BMP3: variants seen among roughly 807,000 people sequenced by gnomAD.
The protein encoded by BMP3 is bone morphogenetic protein 3 (osteogenic).
BMP3 carries 23 observed loss-of-function variants against 38.1 expected under a neutral mutation model. That is an observed-to-expected ratio of 0.60 (90% CI 0.43 to 0.86). The LOEUF (loss-of-function observed/expected upper bound fraction) is 0.86. Ranked by LOEUF, BMP3 falls within the 40% of genes least tolerant of loss-of-function variation. The pLI, the probability that BMP3 is intolerant of heterozygous loss-of-function variation, is 0.00. For missense variants in BMP3, 628 were observed against 579.6 expected, an observed-to-expected ratio of 1.08 and a Z score of -0.86; for synonymous variants, 258 against 225.7, an observed-to-expected ratio of 1.14 and a Z score of -1.28.
chr4:81,033,192 A>T (rs1739823999), intron 1 of BMP3, among the ~76,000 whole-genome samples: 2 of 152,234 alleles, frequency 1.3e-5, no homozygotes, highest in Non-Finnish European at 2.9e-5. Context: ...TAAGATAAAA[A>T]ACAATATGTT....
At chr4:81,046,684 T>C (rs764582246) in intron 2 of BMP3, 36 bp downstream of exon 2, 2 of 1,553,282 alleles carry the variant, frequency 1.3e-6, no homozygotes, top group East Asian at 4.5e-5. Flanking sequence ...TTACTTCCTA[T>C]TTCCATTAGT....
intron 1 of BMP3, among the ~76,000 whole-genome samples, chr4:81,044,360 AC>A (rs1740172437): frequency 1.3e-5 from 2 of 152,152 alleles, no homozygotes; most frequent in Admixed American, 6.6e-5. Flanking sequence ...ATCCTTGCTA[AC>A]CTTTTTTTGT....
At chr4:81,031,631 CG>C (rs758372221) in intron 1 of BMP3, 31 bp downstream of exon 1, 8 of 1,522,330 alleles carry the variant, frequency 5.3e-6, no homozygotes, top group Non-Finnish European at 7.0e-6. Flanking sequence ...TCCCTTCCCG[CG>C]GTCCCGCCCC....
chr4:81,056,312 C>G lies in BMP3; in HGVS notation c.*2776C>G, dbSNP rs1170905892. 6.6e-6 allele frequency: 1 copy of G among 151,684 alleles called. No individual in the cohort carries two copies. The highest frequency in any genetic ancestry group is 1.5e-5 in the Non-Finnish European group (1 of 67,974). 9.4% of individuals were successfully genotyped at this position (151,684 alleles called of 1,614,324 possible). On this transcript the variant is annotated 3_prime_UTR_variant, in exon 3 of 3. Transcript: ENST00000282701. ...TGCAGTGTGCACACACACACACACA[C>G]AGTCAGTTACTGAAAAAAATAATTC...
Position 81,046,428 on chromosome 4 carries a change from A to G in BMP3, c.1007A>G (p.Lys336Arg), listed in dbSNP as rs1055116046. 10 of 1,613,628 alleles carry G rather than the reference A, an allele frequency of 6.2e-6. No individual in the cohort carries two copies. Among genetic ancestry groups the G allele is most frequent in the Admixed American group, 1.7e-5 (1 of 59,866 alleles). ...AQAPEKSKNKKKQRKGPHRKS... is the reference protein window; with the variant it reads ...AQAPEKSKNKRKQRKGPHRKS... ...GCCCCTGAAAAGAGTAAGAATAAAA[A>G]GAAACAGAGAAAGGGGCCTCATCGG... Residue 336 changes from lysine (K) to arginine (R), a missense_variant, in exon 2 of 3, where the codon AAG becomes AGG. Lys to Arg is a conservative substitution (Grantham distance 26). Transcript: ENST00000282701.
intron 2 of BMP3, among the ~76,000 whole-genome samples, chr4:81,051,532 A>G (rs949400305): frequency 1.3e-5 from 2 of 152,196 alleles, no homozygotes; most frequent in Non-Finnish European, 2.9e-5. Context: ...TCGCTTTATG[A>G]CAAGCTATTT....
intron 1 of BMP3, among the ~76,000 whole-genome samples, chr4:81,032,217 A>AAAAC (rs1185689120): frequency 1.3e-4 from 18 of 143,126 alleles, no homozygotes; most frequent in Non-Finnish European, 2.4e-4. Flanking sequence ...AAAAAAAAAA[A>AAAAC]AAACAGGTGC....
chr4:81,031,402 C>T lies in BMP3; in HGVS notation c.118C>T (p.Arg40Cys), dbSNP rs138962672. The T allele has an allele frequency of 1.2e-5, 19 of 1,613,604 alleles. No homozygotes were observed. The African/African-American group carries it at 1.5e-4, about 12-fold the overall frequency. ...GCTCCGCAAAGCTGTGCCAGGTGAC[C>T]GCACGGCAGGTGGTGGCCCGGACTC... ...PELRKAVPGD[R>C]TAGGGPDSEL... The change falls in exon 1 of 3, where the codon CGC (arginine) becomes TGC (cysteine). Residue 40 changes from arginine (R) to cysteine (C), a missense_variant. Arg to Cys is a radical substitution (Grantham distance 180). Transcript: ENST00000282701.
At position 81,046,288 on chromosome 4, in the gene BMP3, C is replaced by G; in HGVS notation, c.867C>G (p.Arg289=). ...AALSIERRKK[R]STGVLLPLQN... ...TTTCCATTGAGCGGAGGAAGAAGCG[C>G]TCTACTGGGGTCTTGCTGCCTCTGC... The change falls in exon 2 of 3, where the codon CGC becomes CGG. Residue 289 remains arginine (R), a synonymous_variant. Transcript: ENST00000282701. 6.2e-7 allele frequency: 1 copy of G among 1,614,062 alleles called. No individual in the cohort carries two copies. The highest frequency in any genetic ancestry group is 8.5e-7 in the Non-Finnish European group (1 of 1,180,002).
At chr4:81,040,792 T>C (rs1740052299) in intron 1 of BMP3, among the ~76,000 whole-genome samples, 1 of 152,202 alleles carries the variant, frequency 6.6e-6, no homozygotes, top group African/African-American at 2.4e-5. Flanking sequence ...ATACAATTAA[T>C]ATTTTCTAGT....
chr4:81,045,637 G>A, intron 1 of BMP3, 101 bp from the exon 2 acceptor site: 1 of 1,034,892 alleles, frequency 9.7e-7, no homozygotes, highest in Non-Finnish European at 1.3e-6. Context: ...CATGGATTTA[G>A]TTCTTATATA....
intron 2 of BMP3, among the ~76,000 whole-genome samples, chr4:81,048,736 T>C (rs1740327212): frequency 6.6e-6 from 1 of 152,204 alleles, no homozygotes; most frequent in Non-Finnish European, 1.5e-5. Flanking sequence ...GAGAGAAGTA[T>C]GTTAGTGCAG....
intron 2 of BMP3, among the ~76,000 whole-genome samples, chr4:81,049,355 C>T (rs567027122): frequency 2.6e-4 from 40 of 152,236 alleles, no homozygotes; most frequent in Non-Finnish European, 4.4e-4. Context: ...TGCATTCAAC[C>T]GCCCGTGAGC....
chr4:81,046,282 G>T lies in BMP3; in HGVS notation c.861G>T (p.Lys287Asn). The T allele has an allele frequency of 6.2e-7, 1 of 1,614,122 alleles. No individual in the cohort carries two copies. Among genetic ancestry groups the T allele is most frequent in the South Asian group, 1.1e-5 (1 of 91,078 alleles). ...CTGCCCTTTCCATTGAGCGGAGGAA[G>T]AAGCGCTCTACTGGGGTCTTGCTGC... ...IRAALSIERRKKRSTGVLLPL... is the reference protein window; with the variant it reads ...IRAALSIERRNKRSTGVLLPL... Residue 287 changes from lysine to asparagine, a missense_variant, in exon 2 of 3, where the codon AAG (lysine) becomes AAT (asparagine). Lys to Asn is a moderately conservative substitution (Grantham distance 94). Coordinates refer to ENST00000282701, the MANE Select transcript of BMP3 (RefSeq NM_001201.5).
intron 1 of BMP3, among the ~76,000 whole-genome samples, chr4:81,040,181 T>C (rs1740031907): frequency 1.3e-5 from 2 of 152,172 alleles, no homozygotes; most frequent in African/African-American, 4.8e-5. Context: ...AAACCCTAAC[T>C]AGGCTGCAAT....
chr4:81,056,023 T>C lies in BMP3; in HGVS notation c.*2487T>C, dbSNP rs1578302938. The C allele has an allele frequency of 1.3e-5, 2 of 152,288 alleles. No individual in the cohort carries two copies. The highest frequency in any genetic ancestry group is 3.9e-4 in the East Asian group (2 of 5,188). The allele number at this position is 152,288 out of a possible 1,614,324, so 9.4% of individuals were successfully genotyped here. A position where few individuals can be genotyped will look rare whatever the true frequency, so the allele number is the denominator to read the frequency against. On this transcript the variant is annotated 3_prime_UTR_variant, in exon 3 of 3. Coordinates refer to ENST00000282701, the MANE Select transcript of BMP3 (RefSeq NM_001201.5). ...AGAATAAAGCAAGATTATCTTTCAG[T>C]AGTAGAGATTGAAGTAAATGTATTA...
In BMP3 at chr4:81,037,825, TA is replaced by T. The variant is rs374013158; in HGVS notation, c.316+6226del. Among the ~76,000 whole-genome samples the T allele has an allele frequency of 4.4e-3, 677 of 152,264 alleles. 4 individuals are homozygous for T. Among genetic ancestry groups the T allele is most frequent in the African/African-American group, 0.015 (625 of 41,558 alleles). On this transcript the variant is annotated intron_variant, in intron 1 of 2. Coordinates refer to ENST00000282701, the MANE Select transcript of BMP3 (RefSeq NM_001201.5). ...TGAGGGGTGTAGGGTTATGCTTTTT[TA>T]GAGAGATTTCTTGAAGTTAATTGTT...
At position 81,046,641 on chromosome 4, in the gene BMP3, T is replaced by A; in HGVS notation, c.1220T>A (p.Met407Lys). Residue 407 changes from methionine to lysine, a missense_variant, in exon 2 of 3, where the codon ATG (methionine) becomes AAG (lysine). Physicochemically the swap from Met to Lys is moderately conservative, Grantham distance 95. Transcript: ENST00000282701. ...YYCSGACQFP[M>K]PKSLKPSNHA... ...TGCTCTGGAGCATGCCAGTTCCCCA[T>A]GCCAAAGGTAGCCATTGTTCTCTGT... 6.2e-7 allele frequency: 1 copy of A among 1,609,842 alleles called. No homozygotes were observed. Among genetic ancestry groups the A allele is most frequent in the Non-Finnish European group, 8.5e-7 (1 of 1,177,572 alleles).
chr4:81,045,738 A>G lies in BMP3; in HGVS notation c.317A>G (p.Glu106Gly), dbSNP rs377459204. Residue 106 changes from glutamate (E) to glycine (G), a missense_variant and splice_region_variant, in exon 2 of 3, where the codon GAA (glutamate) becomes GGA (glycine). Glu to Gly is a moderately conservative substitution (Grantham distance 98, BLOSUM62 -2). Coordinates refer to ENST00000282701, the MANE Select transcript of BMP3 (RefSeq NM_001201.5). ...TVRSFRAAAA[E>G]TLERKGLYIF... ...TACTCTCTTTCTTTTTCCTTCCTAG[A>G]AACTCTTGAAAGAAAAGGACTGTAT... 182 of 1,574,516 alleles carry G rather than the reference A, an allele frequency of 1.2e-4. No homozygotes were observed. Among genetic ancestry groups the G allele is most frequent in the Non-Finnish European group, 1.1e-4 (130 of 1,163,122 alleles).
Sources: gnomAD v4.1 joint callset for allele counts (sites outside exome capture counted in the v4.1 genomes callset) on GRCh38, gnomAD v4.1.1 for gene constraint, MANE v1.5 for transcripts, NCBI Gene and HGNC (gene_info 2026-07-23, HGNC 2026-07-21) for gene names.